R3HDM2: variants seen among roughly 807,000 people sequenced by gnomAD.
The protein encoded by R3HDM2 is R3H domain-containing protein 2.
R3HDM2 carries 38 observed loss-of-function variants against 124.5 expected under a neutral mutation model. That is an observed-to-expected ratio of 0.31 (90% CI 0.24 to 0.40). The LOEUF (loss-of-function observed/expected upper bound fraction) is 0.40, where lower values mean the gene tolerates loss of function less well. Among genes scored for constraint, R3HDM2 ranks in the 10% least tolerant of loss-of-function variants. R3HDM2 has a pLI of 1.00. For missense variants in R3HDM2, 869 were observed against 1,236.9 expected, an observed-to-expected ratio of 0.70 and a Z score of 4.46; for synonymous variants, 391 against 448.0, an observed-to-expected ratio of 0.87 and a Z score of 1.61.
intron 2 of R3HDM2, among the ~76,000 whole-genome samples, chr12:57,385,683 A>G (rs1287852786): frequency 2.7e-5 from 4 of 150,564 alleles, no homozygotes; most frequent in Non-Finnish European, 5.9e-5. Flanking sequence ...ACACAGCAGG[A>G]CCCCGTCTTC....
intron 4 of R3HDM2, among the ~76,000 whole-genome samples, chr12:57,302,111 C>T (rs1486020686): frequency 2.0e-5 from 3 of 151,734 alleles, no homozygotes; most frequent in African/African-American, 7.3e-5. Context: ...CAAAATCCCA[C>T]CTCTACTAAA....
In R3HDM2 at chr12:57,368,846, G is replaced by A. The variant is rs530054306; in HGVS notation, c.-36+26903C>T. Among the ~76,000 whole-genome samples the A allele has an allele frequency of 2.6e-5, 4 of 152,160 alleles. No individual in the cohort carries two copies. In the East Asian group the frequency reaches 5.8e-4, roughly 22 times the overall value. On this transcript the variant is annotated intron_variant, in intron 2 of 23. Transcript: ENST00000402412. ...GTCGTTCTAGTAAACTATTGAACCC[G>A]AGGGTGATCTTGCGGACCCCCCCAA...
intron 2 of R3HDM2, among the ~76,000 whole-genome samples, chr12:57,370,863 T>C (rs1007997880): frequency 4.6e-5 from 7 of 151,996 alleles, no homozygotes; most frequent in Non-Finnish European, 8.8e-5. Context: ...GCAAAGATGA[T>C]ATAAGCTGCT....
At chr12:57,313,988 A>G (rs2054502712) in intron 2 of R3HDM2, among the ~76,000 whole-genome samples, 1 of 151,250 alleles carries the variant, frequency 6.6e-6, no homozygotes, top group Admixed American at 6.6e-5. Flanking sequence ...TGGGAGTTTG[A>G]GACCAGACTG....
At position 57,255,091 on chromosome 12, in the gene R3HDM2, C is replaced by A; in HGVS notation, c.2655G>T (p.Val885=). The part of the protein sequence containing the change: ...ADVVLGRVLE[V]TDLPEGITRT... ...GGGTGATGCCCTCAGGGAGATCTGT[C>A]ACCTCCAGCACCCGCCCCAGGACTG... The change falls in exon 24 of 24, where the codon GTG becomes GTT. Residue 885 remains valine (V), a synonymous_variant. Coordinates refer to ENST00000402412, the MANE Select transcript of R3HDM2 (RefSeq NM_001394031.1). 6.3e-7 allele frequency: 1 copy of A among 1,594,576 alleles called. No homozygotes were observed. Among genetic ancestry groups the A allele is most frequent in the East Asian group, 2.2e-5 (1 of 44,700 alleles).
intron 2 of R3HDM2, among the ~76,000 whole-genome samples, chr12:57,393,103 ATT>A (rs1307066758): frequency 1.7e-5 from 2 of 117,712 alleles, no homozygotes; most frequent in African/African-American, 3.4e-5. Context: ...TGCGCCAGGC[ATT>A]TTTTTTTTTT....
In R3HDM2 at chr12:57,316,448, T is replaced by A. The variant is rs1056963321; in HGVS notation, c.-35-5985A>T. Among the ~76,000 whole-genome samples, 27 of 152,236 alleles carry A rather than the reference T, an allele frequency of 1.8e-4. No individual in the cohort carries two copies. In the South Asian group the frequency reaches 1.9e-3, roughly 11 times the overall value. On this transcript the variant is annotated intron_variant, in intron 2 of 23. Transcript: ENST00000402412. Reference sequence around the variant, plus strand: ...AAAAGGTTTCCTATTTTATTTAAAATTTTTTTAAGCCTCTGGAAGAAACAG... The same window carrying A: ...AAAAGGTTTCCTATTTTATTTAAAAATTTTTTAAGCCTCTGGAAGAAACAG...
intron 2 of R3HDM2, among the ~76,000 whole-genome samples, chr12:57,348,571 G>A (rs1208217789): frequency 6.6e-6 from 1 of 152,054 alleles, no homozygotes; most frequent in Non-Finnish European, 1.5e-5. Context: ...GCACACGCCT[G>A]TAATCCCAGC....
chr12:57,270,779 G>A (rs2043425805), intron 14 of R3HDM2, among the ~76,000 whole-genome samples: 1 of 151,924 alleles, frequency 6.6e-6, no homozygotes, highest in Non-Finnish European at 1.5e-5. Flanking sequence ...ATGTTGGCCA[G>A]GCTGGTCTTG....
At chr12:57,360,856 T>C (rs1223145461) in intron 2 of R3HDM2, among the ~76,000 whole-genome samples, 1 of 150,862 alleles carries the variant, frequency 6.6e-6, no homozygotes, top group Non-Finnish European at 1.5e-5. Flanking sequence ...ATCGAGATCA[T>C]CCTGGCTAAC....
At chr12:57,320,535 A>G (rs901211536) in intron 2 of R3HDM2, among the ~76,000 whole-genome samples, 5 of 152,112 alleles carry the variant, frequency 3.3e-5, no homozygotes, top group East Asian at 3.9e-4. Context: ...GCCAAATAGT[A>G]CAATTTCAAA....
At chr12:57,371,658 A>C (rs1241098737) in intron 2 of R3HDM2, among the ~76,000 whole-genome samples, 1 of 152,186 alleles carries the variant, frequency 6.6e-6, no homozygotes, top group East Asian at 1.9e-4. Context: ...TTTCTCTTTC[A>C]CCTTTCCTAA....
chr12:57,310,506 T>C (rs1296898795), intron 2 of R3HDM2, 43 bp from the exon 3 acceptor site: 12 of 1,105,032 alleles, frequency 1.1e-5, no homozygotes, highest in Admixed American at 4.0e-5. Context: ...TATGTATCCA[T>C]ACTTAACAAA....
chr12:57,397,066 C>A (rs1237778163), intron 1 of R3HDM2, among the ~76,000 whole-genome samples: 6 of 151,806 alleles, frequency 4.0e-5, no homozygotes, highest in African/African-American at 1.5e-4. Context: ...GCACTCCAGC[C>A]TGGGCAGCAA....
intron 2 of R3HDM2, among the ~76,000 whole-genome samples, chr12:57,354,604 T>A (rs1034983099): frequency 3.3e-5 from 5 of 152,086 alleles, no homozygotes; most frequent in East Asian, 3.9e-4. Flanking sequence ...TGCATTTTTT[T>A]AATGAGTAAT....
intron 1 of R3HDM2, among the ~76,000 whole-genome samples, chr12:57,411,733 A>G (rs1160985955): frequency 6.6e-6 from 1 of 152,236 alleles, no homozygotes; most frequent in Non-Finnish European, 1.5e-5. Context: ...CTAAAACATG[A>G]GACCTCATCA....
intron 2 of R3HDM2, among the ~76,000 whole-genome samples, chr12:57,317,222 AG>A (rs1566117327): frequency 1.4e-5 from 2 of 145,858 alleles, no homozygotes; most frequent in East Asian, 2.0e-4. Context: ...TTTTTTTTTG[AG>A]ACAGGGTCTC....
intron 2 of R3HDM2, among the ~76,000 whole-genome samples, chr12:57,319,388 T>C (rs929106429): frequency 7.2e-5 from 11 of 152,162 alleles, no homozygotes; most frequent in African/African-American, 2.2e-4. Flanking sequence ...TCTTAACTCA[T>C]TAGTAACTGT....
At chr12:57,389,050 T>C (rs1266274380) in intron 2 of R3HDM2, among the ~76,000 whole-genome samples, 1 of 152,178 alleles carries the variant, frequency 6.6e-6, no homozygotes, top group African/African-American at 2.4e-5. Context: ...AGAATGGTTT[T>C]GGACTCATCT....
Sources: allele counts gnomAD v4.1 joint callset (sites outside exome capture counted in the v4.1 genomes callset), GRCh38; gene constraint gnomAD v4.1.1; transcripts MANE v1.5; gene names NCBI Gene and HGNC (gene_info 2026-07-23, HGNC 2026-07-21).